Variants in SDK1 observed in about 807,000 individuals in gnomAD.
SDK1 encodes protein sidekick-1.
In SDK1, 157 loss-of-function variants were observed where a neutral mutation model predicts 245.5. The ratio of observed to expected loss-of-function variants is 0.64; its 90% CI spans 0.56 to 0.73. SDK1 has a LOEUF of 0.73. Ranked by LOEUF, SDK1 falls within the 30% of genes least tolerant of loss-of-function variation. The pLI is 0.00. For synonymous variants in SDK1, 1,647 were observed against 1,278.5 expected (o/e 1.29, Z -6.15); for missense variants, 3,583 against 3,002.3 (o/e 1.19, Z -4.52).
At chr7:3,731,603 A>G (rs1297497753) in intron 4 of SDK1, among the ~76,000 whole-genome samples, 1 of 152,182 alleles carries the variant, frequency 6.6e-6, no homozygotes, top group Non-Finnish European at 1.5e-5. Context: ...AGGTGTTTTA[A>G]GTAGCTAATT....
chr7:3,480,856 G>T (rs978460251), intron 1 of SDK1, among the ~76,000 whole-genome samples: 1 of 152,188 alleles, frequency 6.6e-6, no homozygotes, highest in African/African-American at 2.4e-5. Flanking sequence ...AGCTTTGTTG[G>T]TTGTAGCCAG....
chr7:3,941,037 C>G (rs1028901996), intron 5 of SDK1, among the ~76,000 whole-genome samples: 5 of 151,932 alleles, frequency 3.3e-5, no homozygotes, highest in Non-Finnish European at 7.4e-5. Flanking sequence ...TCCCTCCTGA[C>G]CCACCAGCAC....
At chr7:3,769,011 A>G (rs1274585244) in intron 4 of SDK1, among the ~76,000 whole-genome samples, 1 of 152,174 alleles carries the variant, frequency 6.6e-6, no homozygotes, top group African/African-American at 2.4e-5. Flanking sequence ...AATGGTTGTA[A>G]TTATGCCACG....
In SDK1 at chr7:3,507,826, C is replaced by G. The variant is rs150971251; in HGVS notation, c.299-111254C>G. On this transcript the variant is annotated intron_variant, in intron 1 of 44. Transcript: ENST00000404826. ...TTAAACCGCCATATCTGGACCTGCC[C>G]TTATCTAATTCCCAACCTGCTTCAG... 2.6e-3 allele frequency among the ~76,000 whole-genome samples: 403 copies of G among 152,276 alleles called. 1 individual carries two copies. The highest frequency in any genetic ancestry group is 9.2e-3 in the African/African-American group (383 of 41,538).
At chr7:4,017,087 C>A in intron 16 of SDK1, 84 bp from the exon 17 acceptor site, 2 of 1,348,014 alleles carry the variant, frequency 1.5e-6, no homozygotes, top group Non-Finnish European at 1.0e-6. Context: ...CCATTTCCCC[C>A]TAACCCTGCG....
At chr7:3,970,072 C>G (rs762405251) in intron 11 of SDK1, among the ~76,000 whole-genome samples, 1 of 152,196 alleles carries the variant, frequency 6.6e-6, no homozygotes, top group Non-Finnish European at 1.5e-5. Flanking sequence ...CCCATTGCCA[C>G]TTTTTAACTT....
intron 4 of SDK1, among the ~76,000 whole-genome samples, chr7:3,647,139 G>A (rs1288111267): frequency 4.6e-5 from 7 of 152,192 alleles, no homozygotes; most frequent in African/African-American, 7.2e-5. Flanking sequence ...TACTCCCAGC[G>A]CTCTGGGAGG....
In SDK1 at chr7:3,858,057, T is replaced by C. The variant is rs112608678; in HGVS notation, c.847+36474T>C. On this transcript the variant is annotated intron_variant, in intron 5 of 44. Coordinates refer to ENST00000404826, the MANE Select transcript of SDK1 (RefSeq NM_152744.4). ...AAATCATGAAACTTGTCAAGATGAT[T>C]CTGAAGTTAATATGGAAGCCTTAAT... 1.2e-3 allele frequency among the ~76,000 whole-genome samples: 190 copies of C among 152,314 alleles called. 2 individuals are homozygous for C. The highest frequency in any genetic ancestry group is 4.3e-3 in the African/African-American group (180 of 41,568).
chr7:4,243,751 G>C (rs919665428), intron 43 of SDK1, among the ~76,000 whole-genome samples: 1 of 152,118 alleles, frequency 6.6e-6, no homozygotes, highest in Admixed American at 6.5e-5. Flanking sequence ...ATGAGATTTG[G>C]GTGGGGACAC....
intron 1 of SDK1, among the ~76,000 whole-genome samples, chr7:3,578,959 A>C (rs919001161): frequency 6.6e-6 from 1 of 151,972 alleles, no homozygotes; most frequent in Non-Finnish European, 1.5e-5. Context: ...GATTAAAGTA[A>C]GACAGGTGTA....
intron 25 of SDK1, among the ~76,000 whole-genome samples, chr7:4,125,065 G>T (rs553294562): frequency 6.7e-6 from 1 of 149,516 alleles, no homozygotes; most frequent in Non-Finnish European, 1.5e-5. Context: ...TGGGTAATGG[G>T]TGGATGGATG....
intron 4 of SDK1, among the ~76,000 whole-genome samples, chr7:3,666,573 G>T (rs1783540499): frequency 6.6e-6 from 1 of 152,184 alleles, no homozygotes; most frequent in African/African-American, 2.4e-5. Context: ...GTGCTGCCAT[G>T]GCTTGGGCCT....
Position 4,113,391 on chromosome 7 carries a change from C to T in SDK1, c.3537C>T (p.Ser1179=), listed in dbSNP as rs200756610. Residue 1179 remains serine, a synonymous_variant, in exon 24 of 45, where the codon AGC becomes AGT. Transcript: ENST00000404826. ...LQAPPDVAPT[S]VTVRTASETS... is the part of the protein sequence containing the mutation. ...CCCCACCCGACGTGGCTCCAACCAG[C>T]GTCACGGTCCGTACTGCCAGTGAGA... is the stretch of plus-strand genomic sequence containing the variant. The T allele has an allele frequency of 1.2e-5, 20 of 1,613,918 alleles. No individual in the cohort carries two copies. Among genetic ancestry groups the T allele is most frequent in the African/African-American group, 8.0e-5 (6 of 75,060 alleles).
At chr7:3,764,932 A>C (rs957936445) in intron 4 of SDK1, among the ~76,000 whole-genome samples, 1 of 152,192 alleles carries the variant, frequency 6.6e-6, no homozygotes, top group Admixed American at 6.5e-5. Context: ...ATTATTTTTC[A>C]TAAAACATGT....
rs370577004 is a variant in SDK1, at chr7:4,051,703, C to T, written c.2784C>T (p.His928=). The change falls in exon 19 of 45, where the codon CAC becomes CAT. Residue 928 remains histidine, a synonymous_variant. Coordinates refer to ENST00000404826, the MANE Select transcript of SDK1 (RefSeq NM_152744.4). ...VTVVTIAPDF[H]GVHHGHITNL... Reference sequence around the variant, plus strand: ...TGGTCACTATTGCCCCAGATTTCCACGGAGTCCACCATGGACACATAACGA... The same window carrying T: ...TGGTCACTATTGCCCCAGATTTCCATGGAGTCCACCATGGACACATAACGA... 17 of 1,613,570 alleles carry T rather than the reference C, an allele frequency of 1.1e-5. No individual in the cohort carries two copies. Among genetic ancestry groups the T allele is most frequent in the African/African-American group, 1.3e-5 (1 of 74,904 alleles).
intron 5 of SDK1, among the ~76,000 whole-genome samples, chr7:3,945,898 G>GAAAAA (rs1780556577): frequency 1.2e-4 from 1 of 8,254 alleles, no homozygotes; most frequent in Non-Finnish European, 2.3e-4. Flanking sequence ...GACTCTGTCT[G>GAAAAA]TAAAAAAAAA....
chr7:3,754,771 G>A (rs1779872869), intron 4 of SDK1, among the ~76,000 whole-genome samples: 1 of 152,194 alleles, frequency 6.6e-6, no homozygotes, highest in Non-Finnish European at 1.5e-5. Context: ...CATTTGACAA[G>A]ATAGTACCCG....
At chr7:4,229,134 C>T (rs1431072726) in intron 40 of SDK1, among the ~76,000 whole-genome samples, 1 of 152,158 alleles carries the variant, frequency 6.6e-6, no homozygotes, top group Non-Finnish European at 1.5e-5. Context: ...TACTTTTCTC[C>T]ATCATTGATT....
intron 1 of SDK1, among the ~76,000 whole-genome samples, chr7:3,587,314 T>G (rs917312704): frequency 2.0e-5 from 3 of 151,926 alleles, no homozygotes; most frequent in African/African-American, 7.3e-5. Flanking sequence ...TGTGTGTGTG[T>G]GTGTGTGTGT....
Sources: gnomAD v4.1 joint callset for allele counts (sites outside exome capture counted in the v4.1 genomes callset) on GRCh38, gnomAD v4.1.1 for gene constraint, MANE v1.5 for transcripts, NCBI Gene and HGNC (gene_info 2026-07-23, HGNC 2026-07-21) for gene names.